ADAM12: variants seen among roughly 807,000 people sequenced by gnomAD.
The protein encoded by ADAM12 is ADAM metallopeptidase domain 12, also known as disintegrin and metalloproteinase domain-containing protein 12.
A neutral mutation model predicts 106.4 loss-of-function variants in ADAM12; 70 were observed. That is an observed-to-expected ratio of 0.66 (90% confidence interval 0.54 to 0.80). ADAM12 has a LOEUF of 0.80. Among genes scored for constraint, ADAM12 ranks in the 30% least tolerant of loss-of-function variants. ADAM12 has a pLI of 0.00. For missense variants in ADAM12, 1,010 were observed against 1,171.9 expected, an observed-to-expected ratio of 0.86 and a Z score of 2.02; for synonymous variants, 420 against 433.5, an observed-to-expected ratio of 0.97 and a Z score of 0.39.
rs566154292 is a variant in ADAM12 at position 126,232,297 on chromosome 10, T to C, written c.260+46618A>G. On this transcript the variant is annotated intron_variant, in intron 3 of 22. Transcript: ENST00000448723. ...CACTGCTGGCTTTGAAAACGGAGGA[T>C]GAGGTCAAGAACCAGGGTATGCAGG... is the stretch of plus-strand genomic sequence containing the variant. Among the ~76,000 whole-genome samples the C allele has an allele frequency of 2.0e-5, 3 of 152,124 alleles. 1 individual carries two copies. Among genetic ancestry groups the C allele is most frequent in the African/African-American group, 7.2e-5 (3 of 41,470 alleles).
chr10:126,178,406 ATCTTTTTTTTTTTT>A (rs1957257641), intron 3 of ADAM12, among the ~76,000 whole-genome samples: 1 of 120,868 alleles, frequency 8.3e-6, no homozygotes, highest in African/African-American at 3.6e-5. Flanking sequence ...ATTGGAGGAC[ATCTTTTTTTTTTTT>A]TTTTTTTTTT....
At chr10:126,028,708 G>A (rs1953921610) in intron 21 of ADAM12, among the ~76,000 whole-genome samples, 1 of 152,108 alleles carries the variant, frequency 6.6e-6, no homozygotes, top group Admixed American at 6.5e-5. Flanking sequence ...AACCTTAGGA[G>A]AAAATCTAGG....
At chr10:126,323,377 C>T (rs1022798183) in intron 2 of ADAM12, among the ~76,000 whole-genome samples, 1 of 152,170 alleles carries the variant, frequency 6.6e-6, no homozygotes, top group African/African-American at 2.4e-5. Flanking sequence ...ACACTTGGGG[C>T]GGTGTCCCAG....
chr10:126,101,277 G>A (rs1477097619), intron 8 of ADAM12, 36 bp from the exon 9 acceptor site: 7 of 1,596,678 alleles, frequency 4.4e-6, no homozygotes, highest in Non-Finnish European at 6.0e-6. Flanking sequence ...TTGGAGTTGG[G>A]ATCACGTTAA....
At chr10:126,308,028 T>G (rs529576135) in intron 2 of ADAM12, among the ~76,000 whole-genome samples, 12 of 152,334 alleles carry the variant, frequency 7.9e-5, no homozygotes, top group Admixed American at 1.3e-4. Flanking sequence ...AAAATTGGAC[T>G]GATGTGATCA....
chr10:126,386,477 A>G (rs767625417), intron 1 of ADAM12, among the ~76,000 whole-genome samples: 82 of 152,188 alleles, frequency 5.4e-4, no homozygotes, highest in Non-Finnish European at 5.3e-4. Flanking sequence ...ACAAGCAGTG[A>G]ATCCTGGAAT....
chr10:126,037,165 C>T (rs954949185), intron 20 of ADAM12, among the ~76,000 whole-genome samples: 2 of 152,088 alleles, frequency 1.3e-5, no homozygotes, highest in African/African-American at 4.8e-5. Context: ...GAGATTCATC[C>T]TCAATGTTGT....
At chr10:126,375,537 A>C (rs2133926608) in intron 1 of ADAM12, among the ~76,000 whole-genome samples, 1 of 152,236 alleles carries the variant, frequency 6.6e-6, no homozygotes, top group East Asian at 1.9e-4. Context: ...CTGAAATGCA[A>C]ATGTTAAAAA....
intron 1 of ADAM12, among the ~76,000 whole-genome samples, chr10:126,358,260 C>T (rs1040691447): frequency 2.0e-5 from 3 of 151,680 alleles, no homozygotes; most frequent in East Asian, 3.9e-4. Flanking sequence ...AAACCTAGCA[C>T]ACCAAATTCA....
At chr10:126,379,746 A>ATTT (rs66488807) in intron 1 of ADAM12, among the ~76,000 whole-genome samples, 2 of 150,418 alleles carry the variant, frequency 1.3e-5, no homozygotes, top group African/African-American at 2.4e-5. Context: ...CAGTATTTCA[A>ATTT]TTTTTTTTTT....
intron 10 of ADAM12, among the ~76,000 whole-genome samples, chr10:126,096,918 C>A (rs1219953387): frequency 6.6e-6 from 1 of 152,146 alleles, no homozygotes; most frequent in African/African-American, 2.4e-5. Context: ...TTTTCATATA[C>A]CTTTTTTAAA....
At chr10:126,161,480 G>A (rs980147345) in intron 3 of ADAM12, among the ~76,000 whole-genome samples, 2 of 152,172 alleles carry the variant, frequency 1.3e-5, no homozygotes, top group African/African-American at 2.4e-5. Flanking sequence ...CAATATTGAC[G>A]GAGTGTTTGC....
intron 3 of ADAM12, among the ~76,000 whole-genome samples, chr10:126,211,325 C>A (rs931449604): frequency 2.0e-4 from 31 of 152,220 alleles, no homozygotes; most frequent in African/African-American, 7.2e-4. Flanking sequence ...GCGGCATACC[C>A]CACCCTCCCG....
chr10:126,142,459 C>T (rs931532911), intron 4 of ADAM12, among the ~76,000 whole-genome samples: 1 of 152,240 alleles, frequency 6.6e-6, no homozygotes, highest in Admixed American at 6.5e-5. Context: ...ACAGATCATG[C>T]ATGCTATTGT....
chr10:126,171,366 T>C (rs1565113161), intron 3 of ADAM12, among the ~76,000 whole-genome samples: 1 of 152,196 alleles, frequency 6.6e-6, no homozygotes, highest in Non-Finnish European at 1.5e-5. Flanking sequence ...TCTCAAATTG[T>C]AAAATTACTT....
chr10:126,144,165 C>T (rs1173298134), intron 4 of ADAM12, among the ~76,000 whole-genome samples: 1 of 152,192 alleles, frequency 6.6e-6, no homozygotes, highest in Non-Finnish European at 1.5e-5. Context: ...AAATCATGTT[C>T]ATAGTCTTTG....
intron 5 of ADAM12, among the ~76,000 whole-genome samples, chr10:126,132,530 C>A (rs867635322): frequency 5.6e-5 from 8 of 141,856 alleles, no homozygotes; most frequent in South Asian, 5.3e-4. Flanking sequence ...GAACACCCCC[C>A]CCCCCTCAAC....
At chr10:126,376,130 T>C (rs1435620727) in intron 1 of ADAM12, among the ~76,000 whole-genome samples, 1 of 151,952 alleles carries the variant, frequency 6.6e-6, no homozygotes, top group Admixed American at 6.6e-5. Context: ...AAGGAATGTA[T>C]AGGAAAAAAC....
intron 14 of ADAM12, among the ~76,000 whole-genome samples, chr10:126,059,482 A>G (rs1954705347): frequency 6.6e-6 from 1 of 152,216 alleles, no homozygotes; most frequent in African/African-American, 2.4e-5. Context: ...GACAAAAGGG[A>G]GACTTTCCTG....
Sources: allele counts gnomAD v4.1 joint callset (sites outside exome capture counted in the v4.1 genomes callset), GRCh38; gene constraint gnomAD v4.1.1; transcripts MANE v1.5; gene names NCBI Gene and HGNC (gene_info 2026-07-23, HGNC 2026-07-21).